Variants in OPCML observed in about 807,000 individuals in gnomAD.
OPCML encodes the protein opioid binding protein/cell adhesion molecule like, also known as opioid-binding protein/cell adhesion molecule.
In OPCML, 13 loss-of-function variants were observed where a neutral mutation model predicts 37.8. The observed-to-expected ratio is 0.34, with a 90% CI of 0.22 to 0.55. The LOEUF (loss-of-function observed/expected upper bound fraction) is 0.55, where lower values mean the gene tolerates loss of function less well. Among genes scored for constraint, OPCML ranks in the 20% least tolerant of loss-of-function variants. OPCML has a pLI of 0.91. For synonymous variants in OPCML, 176 were observed against 168.8 expected, an observed-to-expected ratio of 1.04 and a Z score of -0.33; for missense variants, 341 against 435.6, an observed-to-expected ratio of 0.78 and a Z score of 1.93.
intron 2 of OPCML, among the ~76,000 whole-genome samples, chr11:132,806,005 A>G (rs755381429): frequency 2.0e-5 from 3 of 152,192 alleles, no homozygotes; most frequent in Non-Finnish European, 2.9e-5. Flanking sequence ...CATAAAATAG[A>G]CAATAGGAAG....
intron 2 of OPCML, among the ~76,000 whole-genome samples, chr11:132,722,104 C>A (rs61007849): frequency 6.6e-6 from 1 of 151,402 alleles, no homozygotes; most frequent in African/African-American, 2.4e-5. Flanking sequence ...TACAGACACC[C>A]ACCATCATGC....
intron 2 of OPCML, among the ~76,000 whole-genome samples, chr11:132,741,488 C>G (rs1217848083): frequency 6.6e-6 from 1 of 152,044 alleles, no homozygotes; most frequent in Admixed American, 6.5e-5. Context: ...GACTCTTCTT[C>G]CACAAAAGGA....
At chr11:132,857,523 A>G (rs1307324604) in intron 2 of OPCML, among the ~76,000 whole-genome samples, 1 of 152,218 alleles carries the variant, frequency 6.6e-6, no homozygotes, top group Non-Finnish European at 1.5e-5. Context: ...CACACAATCT[A>G]TGAAAATCCT....
chr11:133,241,746 C>T (rs1260214105), intron 1 of OPCML, among the ~76,000 whole-genome samples: 11 of 152,212 alleles, frequency 7.2e-5, no homozygotes, highest in African/African-American at 2.2e-4. Context: ...CACTCCCCGC[C>T]GCCATCAGGA....
intron 4 of OPCML, among the ~76,000 whole-genome samples, chr11:132,518,789 C>T (rs559193469): frequency 1.2e-4 from 19 of 152,240 alleles, no homozygotes; most frequent in African/African-American, 2.4e-4. Context: ...GGCTCCAGAC[C>T]GGCAGGAACA....
At chr11:133,225,979 G>A (rs1259992291) in intron 1 of OPCML, among the ~76,000 whole-genome samples, 1 of 152,226 alleles carries the variant, frequency 6.6e-6, no homozygotes, top group Non-Finnish European at 1.5e-5. Context: ...CGTATTATTA[G>A]GAATGACATT....
chr11:133,127,919 G>A (rs932813703), intron 1 of OPCML, among the ~76,000 whole-genome samples: 6 of 152,076 alleles, frequency 3.9e-5, no homozygotes, highest in Non-Finnish European at 8.8e-5. Context: ...TTGGCCAGCA[G>A]AAGACGGGAT....
chr11:132,951,217 C>T lies in OPCML; in HGVS notation c.62-8207G>A, dbSNP rs564655195. 8.7e-4 allele frequency among the ~76,000 whole-genome samples: 133 copies of T among 152,316 alleles called. 1 individual carries two copies. Among genetic ancestry groups the T allele is most frequent in the African/African-American group, 3.1e-3 (128 of 41,584 alleles). On this transcript the variant is annotated intron_variant, in intron 1 of 7. Transcript: ENST00000524381. ...GTAGAGTACTTGTGAGTGTATGTCT[C>T]AGTCAGCTCAGGCTGCCATAACAAA...
At chr11:132,718,491 G>A (rs968550951) in intron 2 of OPCML, among the ~76,000 whole-genome samples, 2 of 152,126 alleles carry the variant, frequency 1.3e-5, no homozygotes, top group East Asian at 1.9e-4. Flanking sequence ...CCAGGCATCC[G>A]TAAGATCTGA....
intron 2 of OPCML, among the ~76,000 whole-genome samples, chr11:132,716,827 T>A (rs2135966643): frequency 6.6e-6 from 1 of 152,284 alleles, no homozygotes; most frequent in African/African-American, 2.4e-5. Context: ...CAGGTGAGTC[T>A]CTTATAAAAC....
chr11:132,870,807 A>C (rs958113608), intron 2 of OPCML, among the ~76,000 whole-genome samples: 4 of 152,252 alleles, frequency 2.6e-5, no homozygotes, highest in Non-Finnish European at 5.9e-5. Flanking sequence ...AGGCATAGAA[A>C]GAAAAGTGTT....
rs527791951 is a variant in OPCML, at chr11:132,785,086, G to T, written c.147-127767C>A. 2.9e-4 allele frequency among the ~76,000 whole-genome samples: 44 copies of T among 152,246 alleles called. No homozygotes were observed. The East Asian group carries it at 6.4e-3, about 22-fold the overall frequency. Reference sequence around the variant, plus strand: ...TTGACATCATGCACATATAATTTATGTGCTTAGAAAATAATTTCTACCTAT... The same window carrying T: ...TTGACATCATGCACATATAATTTATTTGCTTAGAAAATAATTTCTACCTAT... On this transcript the variant is annotated intron_variant, in intron 2 of 7. Coordinates refer to ENST00000524381, the MANE Select transcript of OPCML (RefSeq NM_001012393.5).
intron 2 of OPCML, among the ~76,000 whole-genome samples, chr11:132,835,065 A>C (rs1257850872): frequency 6.6e-6 from 1 of 151,952 alleles, no homozygotes; most frequent in African/African-American, 2.4e-5. Flanking sequence ...GCAGGGTCAT[A>C]AAATTGATTT....
At chr11:133,381,786 T>C (rs1243677342) in intron 1 of OPCML, among the ~76,000 whole-genome samples, 1 of 152,270 alleles carries the variant, frequency 6.6e-6, no homozygotes, top group Non-Finnish European at 1.5e-5. Flanking sequence ...TTCATTTTAA[T>C]GTTTGGACAT....
chr11:132,549,624 G>A (rs1182274504), intron 3 of OPCML, among the ~76,000 whole-genome samples: 2 of 152,210 alleles, frequency 1.3e-5, no homozygotes, highest in African/African-American at 4.8e-5. Context: ...AGAGTAGCCT[G>A]TAAAGTCGAG....
intron 1 of OPCML, among the ~76,000 whole-genome samples, chr11:132,999,577 G>GGGGGGGA (rs372561939): frequency 2.7e-5 from 4 of 146,578 alleles, no homozygotes; most frequent in African/African-American, 1.1e-4. Flanking sequence ...GTCGGGGGGG[G>GGGGGGGA]AATGCCACCG....
chr11:132,762,532 G>T (rs938853951), intron 2 of OPCML, among the ~76,000 whole-genome samples: 1 of 152,326 alleles, frequency 6.6e-6, no homozygotes, highest in East Asian at 1.9e-4. Context: ...ATCTAGAGAG[G>T]CAGTCTGGCT....
chr11:132,874,660 C>A (rs756928517), intron 2 of OPCML, among the ~76,000 whole-genome samples: 3 of 152,138 alleles, frequency 2.0e-5, no homozygotes, highest in Non-Finnish European at 2.9e-5. Context: ...ACAGGTAAAA[C>A]CACCAGTAGA....
At chr11:132,823,285 G>A (rs1940100858) in intron 2 of OPCML, among the ~76,000 whole-genome samples, 1 of 152,026 alleles carries the variant, frequency 6.6e-6, no homozygotes, top group African/African-American at 2.4e-5. Flanking sequence ...CATTTCATAA[G>A]CTCTTGAGAA....
Sources: allele counts gnomAD v4.1 joint callset (sites outside exome capture counted in the v4.1 genomes callset), GRCh38; gene constraint gnomAD v4.1.1; transcripts MANE v1.5; gene names NCBI Gene and HGNC (gene_info 2026-07-23, HGNC 2026-07-21).